Variants in MAN2C1 observed in about 807,000 individuals in gnomAD.
MAN2C1 encodes the protein alpha-mannosidase 2C1.
Under a neutral mutation model 126.9 loss-of-function variants are expected in MAN2C1, and 111 were observed. That is an observed-to-expected ratio of 0.87 (90% CI 0.75 to 1.02). The LOEUF (loss-of-function observed/expected upper bound fraction) is 1.02, where lower values mean the gene tolerates loss of function less well. Ranked by LOEUF, MAN2C1 falls within the 50% of genes least tolerant of loss-of-function variation. The probability of loss-of-function intolerance (pLI) is 0.00; values close to 1 mark genes in which losing one functional copy is unlikely to be tolerated. For synonymous variants in MAN2C1, 567 were observed against 561.5 expected (o/e 1.01, Z -0.14); for missense variants, 1,363 against 1,364.4 (o/e 1.00, Z 0.02).
At position 75,362,635 on chromosome 15, in the gene MAN2C1, C is replaced by T. The variant is rs755812461; in HGVS notation, c.897+7G>A. On this transcript the variant is annotated splice_region_variant and intron_variant, in intron 7 of 25. Transcript: ENST00000267978. The surrounding 1 kb of genome is among the most constrained non-coding windows in gnomAD (Gnocchi z 4.5). Reference sequence around the variant, plus strand: ...CTTCCCTCCTCCCTCACAGCTGTCCCTCTGACCTGGGAGCAGGCAAAGATG... The same window carrying T: ...CTTCCCTCCTCCCTCACAGCTGTCCTTCTGACCTGGGAGCAGGCAAAGATG... 1.2e-6 allele frequency: 2 copies of T among 1,613,862 alleles called. No individual in the cohort carries two copies. The highest frequency in any genetic ancestry group is 1.7e-6 in the Non-Finnish European group (2 of 1,179,870).
rs2072488239 is a variant in MAN2C1 at position 75,362,361 on chromosome 15, C to T, written c.990G>A (p.Gly330=). 6.2e-7 allele frequency: 1 copy of T among 1,613,926 alleles called. No homozygotes were observed. The highest frequency in any genetic ancestry group is 8.5e-7 in the Non-Finnish European group (1 of 1,179,998). The part of the protein sequence containing the change: ...FACRGQFVPV[G]GTWVEMDGNL... ...CACTTACCATCTCCACCCAGGTGCC[C>T]CCCACAGGCACAAACTGCCCACGGC... Residue 330 remains glycine, a synonymous_variant, in exon 8 of 26, where the codon GGG becomes GGA. Transcript: ENST00000267978. The surrounding 1 kb of genome is among the most constrained non-coding windows in gnomAD (Gnocchi z 4.5).
chr15:75,359,786 A>ACTGG lies in MAN2C1; in HGVS notation c.1793-15_1793-12dup, dbSNP rs761951849. ...CATGGGAACGGATGTCTGAGGAAAG[A>ACTGG]CTGGCTGGTCATAGGTGGGCAACAG... is the stretch of plus-strand genomic sequence containing the variant. On this transcript the variant is annotated splice_polypyrimidine_tract_variant and intron_variant, in intron 15 of 25. Transcript: ENST00000267978. The ACTGG allele has an allele frequency of 1.2e-6, 2 of 1,613,836 alleles. No homozygotes were observed. Among genetic ancestry groups the ACTGG allele is most frequent in the East Asian group, 4.5e-5 (2 of 44,880 alleles).
chr15:75,363,364 C>T (rs1356509546), intron 6 of MAN2C1: 5 of 455,088 alleles, frequency 1.1e-5, no homozygotes, highest in East Asian at 1.4e-4. Flanking sequence ...TGGAATCCCC[C>T]AACCCAGCTG....
rs369428112 is a variant in MAN2C1 at position 75,358,345 on chromosome 15, C to G, written c.2404-1G>C. The G allele has an allele frequency of 6.2e-7, 1 of 1,614,022 alleles. No individual in the cohort carries two copies. The highest frequency in any genetic ancestry group is 8.5e-7 in the Non-Finnish European group (1 of 1,180,040). ...ACTTGTGGGCCTCATGCCAGTGTACCTGGGAGTGGGAAGGAGGGTGGGAGT... is the reference window on the plus strand; with the variant it reads ...ACTTGTGGGCCTCATGCCAGTGTACGTGGGAGTGGGAAGGAGGGTGGGAGT... On this transcript the variant is annotated splice_acceptor_variant, in intron 20 of 25. Transcript: ENST00000267978. LOFTEE classifies it high-confidence loss of function.
rs368295964 is a variant in MAN2C1, at chr15:75,362,664, T to C, written c.875A>G (p.Glu292Gly). 40 of 1,613,948 alleles carry C rather than the reference T, an allele frequency of 2.5e-5. No individual in the cohort carries two copies. The African/African-American group carries it at 5.1e-4, about 20-fold the overall frequency. The change falls in exon 7 of 26, where the codon GAG (glutamate) becomes GGG (glycine). Residue 292 changes from glutamate (E) to glycine (G), a missense_variant. Transcript: ENST00000267978. The surrounding 1 kb of genome is among the most constrained non-coding windows in gnomAD (Gnocchi z 4.5). ...GACCTGGGAGCAGGCAAAGATGAAC[T>C]CAGGGTTCCGCTCCATGAGCTGCAG... ...TALQLMERNP[E>G]FIFACSQAQQ...
At position 75,368,131 on chromosome 15, in the gene MAN2C1, G is replaced by A. The variant is rs1280336822; in HGVS notation, c.169C>T (p.Gln57Ter). 6.2e-7 allele frequency: 1 copy of A among 1,606,296 alleles called. No individual in the cohort carries two copies. Residue 57 changes from glutamine to a stop codon, truncating the protein, a stop_gained, in exon 2 of 26, where the codon CAG (glutamine) becomes TAG (stop). Transcript: ENST00000267978. LOFTEE classifies it high-confidence loss of function. ...CGGAAGTCCCGCTGGACTGCCTCCT[G>A]GTAGGGAAGTCTCTCCGGCGTCAGG... ...SFLTPERLPY[Q>*]EAVQRDFRPA...
chr15:75,355,927 C>T lies in MAN2C1; in HGVS notation c.3102G>A (p.Val1034=), dbSNP rs2072277470. 3.7e-6 allele frequency: 6 copies of T among 1,614,184 alleles called. No homozygotes were observed. The highest frequency in any genetic ancestry group is 5.1e-6 in the Non-Finnish European group (6 of 1,180,030). ...GGACTCAGTGTGGCGGAGGCTGAAG[C>T]ACGAGCAACAGGGACAGCACTTGGA... ...SPFQVLSLLL[V]LQPPPH Residue 1034 remains valine (V), a synonymous_variant, in exon 26 of 26, where the codon GTG becomes GTA. Coordinates refer to ENST00000267978, the MANE Select transcript of MAN2C1 (RefSeq NM_006715.4).
rs770915774 is a variant in MAN2C1, at chr15:75,356,126, C to A, written c.2980G>T (p.Val994Phe). 6.2e-7 allele frequency: 1 copy of A among 1,613,680 alleles called. No individual in the cohort carries two copies. The highest frequency in any genetic ancestry group is 1.3e-5 in the African/African-American group (1 of 74,926). ...VDCWLHLSLP[V>F]QEAILCDLLE... ...GCCACTCACAGGATGGCCTCCTGAA[C>A]CGGCAGCGACAAGTGCAGCCAGCAG... is the stretch of plus-strand genomic sequence containing the variant. Residue 994 changes from valine to phenylalanine, a missense_variant, in exon 25 of 26, where the codon GTT (valine) becomes TTT (phenylalanine). This residue lies in a region of MAN2C1 where 668 missense variants were observed against 650.1 expected (regional missense o/e 1.03). Transcript: ENST00000267978. This position sits in a 1 kb window ranked among gnomAD's most constrained non-coding sequence, Gnocchi z 5.8.
chr15:75,362,148 T>C lies in MAN2C1; in HGVS notation c.1008+195A>G. ...GGTGCCCAGGACTAGGCCATGCAACTTGTCACAGCGCTGGAGGCTCTCCTC... is the reference window on the plus strand; with the variant it reads ...GGTGCCCAGGACTAGGCCATGCAACCTGTCACAGCGCTGGAGGCTCTCCTC... On this transcript the variant is annotated intron_variant, in intron 8 of 25. Transcript: ENST00000267978. The surrounding 1 kb of genome is among the most constrained non-coding windows in gnomAD (Gnocchi z 4.5). The C allele has an allele frequency of 3.0e-6, 2 of 660,756 alleles. No homozygotes were observed. The highest frequency in any genetic ancestry group is 5.3e-6 in the Non-Finnish European group (2 of 380,234). 40.9% of individuals were successfully genotyped at this position (660,756 alleles called of 1,614,324 possible). A position where few individuals can be genotyped will look rare whatever the true frequency, so the allele number is the denominator to read the frequency against.
chr15:75,367,377 A>G, intron 3 of MAN2C1, 134 bp downstream of exon 3: 1 of 1,155,152 alleles, frequency 8.7e-7, no homozygotes. Flanking sequence ...CAACTTCCCT[A>G]GTCCTGAAAT....
chr15:75,368,600 C>T lies in MAN2C1; in HGVS notation c.-17G>A, dbSNP rs2141345408. The T allele has an allele frequency of 1.3e-6, 2 of 1,530,288 alleles. No homozygotes were observed. The highest frequency in any genetic ancestry group is 1.8e-6 in the Non-Finnish European group (2 of 1,137,092). 94.8% of individuals were successfully genotyped at this position (1,530,288 alleles called of 1,614,324 possible). ...AGCCGCCATCGCCGGGCTCTCGCTC[C>T]TCTTTCCGGAAGGCCCCTGGCGCTA... On this transcript the variant is annotated 5_prime_UTR_variant, in exon 1 of 26. Transcript: ENST00000267978.
In MAN2C1 at chr15:75,361,775, C is replaced by T. The variant is rs2141333513; in HGVS notation, c.1102-55G>A. 6.3e-7 allele frequency: 1 copy of T among 1,591,638 alleles called. No individual in the cohort carries two copies. The highest frequency in any genetic ancestry group is 8.6e-7 in the Non-Finnish European group (1 of 1,159,746). On this transcript the variant is annotated intron_variant, in intron 9 of 25. Transcript: ENST00000267978. The surrounding 1 kb of genome is among the most constrained non-coding windows in gnomAD (Gnocchi z 5.0). ...GAACCAGAGCTCCAGGCGGACTCACCCCAGCCTCAGCCCCTCAGCACTCCA... is the reference window on the plus strand; with the variant it reads ...GAACCAGAGCTCCAGGCGGACTCACTCCAGCCTCAGCCCCTCAGCACTCCA...
chr15:75,360,039 G>A (rs1369398504), intron 14 of MAN2C1, 51 bp from the exon 15 acceptor site: 5 of 1,613,654 alleles, frequency 3.1e-6, no homozygotes, highest in Non-Finnish European at 4.2e-6. Flanking sequence ...CAGGCACAGA[G>A]GTAACTGCAG....
Position 75,356,459 on chromosome 15 carries a change from G to C in MAN2C1, c.2738-10C>G. 3 of 1,590,062 alleles carry C rather than the reference G, an allele frequency of 1.9e-6. No homozygotes were observed. The highest frequency in any genetic ancestry group is 1.7e-6 in the Non-Finnish European group (2 of 1,169,766). On this transcript the variant is annotated splice_polypyrimidine_tract_variant and intron_variant, in intron 23 of 25. Transcript: ENST00000267978. The surrounding 1 kb of genome is among the most constrained non-coding windows in gnomAD (Gnocchi z 5.8). ...GCATCCTGGAAAGAGCCTGGGGTAC[G>C]ACCAGGAAACAATGCTGGTGGAGAA...
rs1245234888 is a variant in MAN2C1, at chr15:75,367,547, T to A, written c.315A>T (p.Gly105=). Reference sequence around the variant, plus strand: ...CTCCATCACGCCACACCAGACCTTCTCCATCACTTTCCCAGCAAAGGTGAA... The same window carrying A: ...CTCCATCACGCCACACCAGACCTTCACCATCACTTTCCCAGCAAAGGTGAA... ...QEVHLCWESD[G]EGLVWRDGEP... The change falls in exon 3 of 26, where the codon GGA becomes GGT. Residue 105 remains glycine (G), a synonymous_variant. Coordinates refer to ENST00000267978, the MANE Select transcript of MAN2C1 (RefSeq NM_006715.4). The A allele has an allele frequency of 6.2e-7, 1 of 1,614,178 alleles. No individual in the cohort carries two copies. The highest frequency in any genetic ancestry group is 1.1e-5 in the South Asian group (1 of 91,078).
At position 75,361,855 on chromosome 15, in the gene MAN2C1, C is replaced by A; in HGVS notation, c.1101G>T (p.Glu367Asp). 1 of 1,614,004 alleles carries A rather than the reference C, an allele frequency of 6.2e-7. No individual in the cohort carries two copies. Among genetic ancestry groups the A allele is most frequent in the South Asian group, 1.1e-5 (1 of 91,074 alleles). ...FLQEFGKMCSEFWLPDTFGYS... is the reference protein window; with the variant it reads ...FLQEFGKMCSDFWLPDTFGYS... Reference sequence around the variant, plus strand: ...CCTGGTGTAGCAGCTCTCAGCCTACCTCAGAGCACATCTTCCCAAACTCCT... The same window carrying A: ...CCTGGTGTAGCAGCTCTCAGCCTACATCAGAGCACATCTTCCCAAACTCCT... The change falls in exon 9 of 26, where the codon GAG becomes GAT. Residue 367 changes from glutamate (E) to aspartate (D), a missense_variant and splice_region_variant. By Grantham distance (45) the Glu-to-Asp change is conservative. Around this residue, in one of 3 missense-constraint regions of MAN2C1, gnomAD observed 628 missense variants for 609.8 expected, o/e 1.03. Coordinates refer to ENST00000267978, the MANE Select transcript of MAN2C1 (RefSeq NM_006715.4). The surrounding 1 kb of genome is among the most constrained non-coding windows in gnomAD (Gnocchi z 5.0).
In MAN2C1 at chr15:75,359,750, C is replaced by T. The variant is rs1344875330; in HGVS notation, c.1818G>A (p.Leu606=). Residue 606 remains leucine (L), a synonymous_variant, in exon 16 of 26, where the codon CTG becomes CTA. Transcript: ENST00000267978. ...YEDIRSHGNT[L]LSAAAAALCA... is the part of the protein sequence containing the mutation. Reference sequence around the variant, plus strand: ...ACAGGGCTGCGGCTGCAGCGCTGAGCAGTGTATTGCCATGGGAACGGATGT... The same window carrying T: ...ACAGGGCTGCGGCTGCAGCGCTGAGTAGTGTATTGCCATGGGAACGGATGT... 3 of 1,613,972 alleles carry T rather than the reference C, an allele frequency of 1.9e-6. No individual in the cohort carries two copies. Among genetic ancestry groups the T allele is most frequent in the Non-Finnish European group, 2.5e-6 (3 of 1,180,034 alleles).
At chr15:75,368,240 C>G in intron 1 of MAN2C1, 42 bp from the exon 2 acceptor site, 1 of 1,560,264 alleles carries the variant, frequency 6.4e-7, no homozygotes. Flanking sequence ...GAGGCCGCCC[C>G]GTTTCCGCCT....
Position 75,361,983 on chromosome 15 carries a change from G to C in MAN2C1, c.1009-36C>G, listed in dbSNP as rs2072480073. On this transcript the variant is annotated intron_variant, in intron 8 of 25. Coordinates refer to ENST00000267978, the MANE Select transcript of MAN2C1 (RefSeq NM_006715.4). This position sits in a 1 kb window ranked among gnomAD's most constrained non-coding sequence, Gnocchi z 5.0. ...AGGAAGTGGGAGGCAGCCCAGGTCA[G>C]CGCTGGACGGGGAGCAGGCAGGCGC... 1.3e-6 allele frequency: 2 copies of C among 1,524,886 alleles called. No individual in the cohort carries two copies. The allele number at this position is 1,524,886 out of a possible 1,614,324, so 94.5% of individuals were successfully genotyped here.
Sources: gnomAD v4.1 joint callset for allele counts on GRCh38, gnomAD v4.1.1 for gene constraint, gnomAD v4.1.1 regional missense constraint, Gnocchi (gnomAD v3.1) non-coding constraint, MANE v1.5 for transcripts, NCBI Gene and HGNC (gene_info 2026-07-23, HGNC 2026-07-21) for gene names.